GABRB3: variants seen among roughly 807,000 people sequenced by gnomAD.
GABRB3 encodes the protein gamma-aminobutyric acid type A receptor subunit beta3.
GABRB3 carries 14 observed loss-of-function variants against 52.1 expected under a neutral mutation model. That is an observed-to-expected ratio of 0.27 (90% CI 0.18 to 0.42). The LOEUF (loss-of-function observed/expected upper bound fraction) is 0.42, where lower values mean the gene tolerates loss of function less well. GABRB3 is among the 10% of genes least tolerant of loss of function. GABRB3 has a pLI of 1.00. For missense variants in GABRB3, 307 were observed against 609.1 expected (o/e 0.50, Z 5.22); for synonymous variants, 260 against 232.3 (o/e 1.12, Z -1.08).
intron 4 of GABRB3, among the ~76,000 whole-genome samples, chr15:26,589,365 G>T (rs907161031): frequency 6.6e-6 from 1 of 152,184 alleles, no homozygotes; most frequent in Non-Finnish European, 1.5e-5. Context: ...CCTTGTCAGT[G>T]TTGCTGGGAA....
chr15:26,658,945 A>C (rs1297540134), intron 3 of GABRB3, among the ~76,000 whole-genome samples: 1 of 152,248 alleles, frequency 6.6e-6, no homozygotes, highest in Non-Finnish European at 1.5e-5. Flanking sequence ...ACGCTAAAAT[A>C]AATTGATCAA....
intron 3 of GABRB3, among the ~76,000 whole-genome samples, chr15:26,677,012 T>C (rs568231664): frequency 2.1e-4 from 32 of 152,334 alleles, no homozygotes; most frequent in Non-Finnish European, 4.3e-4. Flanking sequence ...ATGACAGGTC[T>C]GGGACCTGTG....
At chr15:26,721,913 G>A (rs1374714440) in intron 3 of GABRB3, among the ~76,000 whole-genome samples, 1 of 152,018 alleles carries the variant, frequency 6.6e-6, no homozygotes, top group African/African-American at 2.4e-5. Flanking sequence ...ATTGGTCCAT[G>A]ATAATTCAAT....
At chr15:26,696,641 T>C (rs1372542218) in intron 3 of GABRB3, among the ~76,000 whole-genome samples, 4 of 151,954 alleles carry the variant, frequency 2.6e-5, no homozygotes, top group Non-Finnish European at 5.9e-5. Flanking sequence ...TAGACAGGGG[T>C]TTCTCTTCTC....
chr15:26,738,054 T>C (rs954596476), intron 3 of GABRB3, among the ~76,000 whole-genome samples: 2 of 151,940 alleles, frequency 1.3e-5, no homozygotes, highest in African/African-American at 2.4e-5. Context: ...CTTCGGCTTA[T>C]GTTTTGTTTT....
At chr15:26,770,936 AT>A (rs1566837246) in intron 3 of GABRB3, among the ~76,000 whole-genome samples, 1 of 152,224 alleles carries the variant, frequency 6.6e-6, no homozygotes, top group Non-Finnish European at 1.5e-5. Context: ...ATGCAGTCAC[AT>A]TCCTTCTGTG....
At chr15:26,634,907 A>C (rs923141435) in intron 3 of GABRB3, among the ~76,000 whole-genome samples, 1 of 113,630 alleles carries the variant, frequency 8.8e-6, no homozygotes. Flanking sequence ...AAAATTATAT[A>C]TATCTCTCTC....
intron 4 of GABRB3, among the ~76,000 whole-genome samples, chr15:26,592,129 T>C (rs1458739969): frequency 1.3e-5 from 2 of 152,196 alleles, no homozygotes; most frequent in African/African-American, 4.8e-5. Context: ...GAGGAAGCCC[T>C]GCATGCTGGG....
chr15:26,728,720 T>C (rs903008123), intron 3 of GABRB3, among the ~76,000 whole-genome samples: 2 of 152,214 alleles, frequency 1.3e-5, no homozygotes, highest in Admixed American at 6.5e-5. Context: ...TCTAGGACTT[T>C]CCTCAGACTT....
intron 4 of GABRB3, among the ~76,000 whole-genome samples, chr15:26,601,837 A>C (rs1891601219): frequency 6.6e-6 from 1 of 152,182 alleles, no homozygotes; most frequent in South Asian, 2.1e-4. Context: ...AAGACAGGAA[A>C]GAAGAAAGAA....
chr15:26,663,476 CCTT>C (rs1396806421), intron 3 of GABRB3, among the ~76,000 whole-genome samples: 24 of 152,250 alleles, frequency 1.6e-4, no homozygotes, highest in African/African-American at 5.8e-4. Context: ...GATGTGATGT[CCTT>C]CTTTTCATTG....
intron 3 of GABRB3, among the ~76,000 whole-genome samples, chr15:26,667,081 A>G (rs889989772): frequency 3.3e-5 from 5 of 152,214 alleles, no homozygotes; most frequent in Non-Finnish European, 7.3e-5. Context: ...GATTGAGAGC[A>G]CACCGCTCCA....
chr15:26,753,093 CCTAACTTCTGAG>C (rs1890560868), intron 3 of GABRB3, among the ~76,000 whole-genome samples: 1 of 152,160 alleles, frequency 6.6e-6, no homozygotes, highest in Admixed American at 6.5e-5. Flanking sequence ...CTCAGAACTC[CCTAACTTCTGAG>C]CTAACTTCTG....
At chr15:26,670,605 C>T (rs1286563612) in intron 3 of GABRB3, among the ~76,000 whole-genome samples, 1 of 152,168 alleles carries the variant, frequency 6.6e-6, no homozygotes, top group African/African-American at 2.4e-5. Flanking sequence ...TTCCATACCC[C>T]GGCTGCAGCT....
chr15:26,617,246 C>T (rs1178357882), intron 4 of GABRB3, among the ~76,000 whole-genome samples: 9 of 152,142 alleles, frequency 5.9e-5, no homozygotes, highest in Non-Finnish European at 1.3e-4. Context: ...CCAGCATCAT[C>T]CTGATACCAG....
chr15:26,668,219 A>C (rs577931883), intron 3 of GABRB3, among the ~76,000 whole-genome samples: 1 of 152,268 alleles, frequency 6.6e-6, no homozygotes, highest in African/African-American at 2.4e-5. Flanking sequence ...GAATATGCCT[A>C]CTCAAAATGA....
chr15:26,680,468 C>T (rs1325507633), intron 3 of GABRB3, among the ~76,000 whole-genome samples: 2 of 152,204 alleles, frequency 1.3e-5, no homozygotes, highest in Non-Finnish European at 2.9e-5. Flanking sequence ...CACCCTACAG[C>T]CTTGTTATGA....
At chr15:26,729,799 C>T (rs1889862534) in intron 3 of GABRB3, among the ~76,000 whole-genome samples, 2 of 152,176 alleles carry the variant, frequency 1.3e-5, no homozygotes, top group South Asian at 4.1e-4. Flanking sequence ...CACTCCCTAC[C>T]TGCCAGGCTC....
At chr15:26,581,147 G>T in intron 5 of GABRB3, 1 of 160,434 alleles carries the variant, frequency 6.2e-6, no homozygotes, top group Admixed American at 5.7e-5. Flanking sequence ...GATTCATCAT[G>T]GCTTCTTGAG....
Sources: gnomAD v4.1 joint callset for allele counts (sites outside exome capture counted in the v4.1 genomes callset) on GRCh38, gnomAD v4.1.1 for gene constraint, MANE v1.5 for transcripts, NCBI Gene and HGNC (gene_info 2026-07-23, HGNC 2026-07-21) for gene names.